FARS2: variants seen among roughly 807,000 people sequenced by gnomAD.
FARS2 encodes the protein phenylalanine--tRNA ligase, mitochondrial.
Under a neutral mutation model 46.4 loss-of-function variants are expected in FARS2, and 40 were observed. The ratio of observed to expected loss-of-function variants is 0.86; its 90% confidence interval spans 0.67 to 1.12. The LOEUF (loss-of-function observed/expected upper bound fraction) is 1.12, where lower values mean the gene tolerates loss of function less well. Among genes scored for constraint, FARS2 ranks in the 50% most tolerant of loss-of-function variants. FARS2 has a pLI of 0.00. For synonymous variants in FARS2, 234 were observed against 214.9 expected (o/e 1.09, Z -0.78); for missense variants, 513 against 567.9 (o/e 0.90, Z 0.98).
chr6:5,522,429 GC>G (rs1264156275), intron 4 of FARS2, among the ~76,000 whole-genome samples: 1 of 152,198 alleles, frequency 6.6e-6, no homozygotes, highest in Non-Finnish European at 1.5e-5. Context: ...ATTCTTACTG[GC>G]CCAGATGTGA....
intron 6 of FARS2, among the ~76,000 whole-genome samples, chr6:5,723,181 G>A (rs57053744): frequency 0.22 from 32,811 of 152,086 alleles, 3,980 homozygotes; most frequent in African/African-American, 0.34. Flanking sequence ...TGGGCCACTC[G>A]CGAGTGTGTC....
chr6:5,420,045 C>A (rs1303368837), intron 3 of FARS2, among the ~76,000 whole-genome samples: 1 of 152,152 alleles, frequency 6.6e-6, no homozygotes, highest in South Asian at 2.1e-4. Flanking sequence ...GCCTTACAAT[C>A]GTGGCAGAAG....
At chr6:5,622,716 A>T (rs1254994780) in intron 6 of FARS2, among the ~76,000 whole-genome samples, 1 of 152,178 alleles carries the variant, frequency 6.6e-6, no homozygotes, top group Non-Finnish European at 1.5e-5. Flanking sequence ...CCAGACACCA[A>T]ATCTGCTGGC....
At chr6:5,537,455 C>T (rs929536843) in intron 4 of FARS2, among the ~76,000 whole-genome samples, 86 of 128,946 alleles carry the variant, frequency 6.7e-4, no homozygotes, top group South Asian at 1.3e-3. Context: ...TGTCCCGGGC[C>T]TCCTCTCGAG....
chr6:5,431,392 C>T (rs1763158998), intron 4 of FARS2, among the ~76,000 whole-genome samples: 1 of 152,186 alleles, frequency 6.6e-6, no homozygotes, highest in Non-Finnish European at 1.5e-5. Context: ...CTTTGGAGAT[C>T]CACCTTGTCA....
intron 5 of FARS2, among the ~76,000 whole-genome samples, chr6:5,545,844 C>T (rs1770945071): frequency 6.6e-6 from 1 of 152,084 alleles, no homozygotes; most frequent in Non-Finnish European, 1.5e-5. Context: ...TAAAGAAGTT[C>T]TGGCCAGGCA....
At chr6:5,621,809 A>G (rs979598656) in intron 6 of FARS2, among the ~76,000 whole-genome samples, 1 of 152,200 alleles carries the variant, frequency 6.6e-6, no homozygotes, top group Non-Finnish European at 1.5e-5. Flanking sequence ...ACCTGAATCA[A>G]AACTGGAAAG....
chr6:5,344,592 C>G (rs1757108585), intron 1 of FARS2, among the ~76,000 whole-genome samples: 1 of 152,172 alleles, frequency 6.6e-6, no homozygotes, highest in Non-Finnish European at 1.5e-5. Context: ...ATTGCACCAA[C>G]TGATAAAATC....
At chr6:5,664,855 T>G (rs10484316) in intron 6 of FARS2, 2 of 152,164 alleles carry the variant, frequency 1.3e-5, no homozygotes, top group East Asian at 1.9e-4. Flanking sequence ...TGTTCCTGCT[T>G]CTTAACTTGT....
intron 5 of FARS2, chr6:5,609,584 A>G (rs891398183): frequency 3.9e-6 from 5 of 1,285,860 alleles, no homozygotes; most frequent in Non-Finnish European, 5.6e-6. Flanking sequence ...GACCACCACC[A>G]AAGTTTCCAG....
rs964660101 is a variant in FARS2 at position 5,630,559 on chromosome 6, A to G, written c.1217+17239A>G. 6.6e-6 allele frequency among the ~76,000 whole-genome samples: 1 copy of G among 152,240 alleles called. No homozygotes were observed. Among genetic ancestry groups the G allele is most frequent in the Admixed American group, 6.5e-5 (1 of 15,280 alleles). On this transcript the variant is annotated intron_variant, in intron 6 of 6. Transcript: ENST00000274680. This position sits in a 1 kb window ranked among gnomAD's most constrained non-coding sequence, Gnocchi z 4.2. ...CTCTGGAAACCAGACCTGCCTCTTCATACTTATGTGTCTGGTAATAGGCAT... is the reference window on the plus strand; with the variant it reads ...CTCTGGAAACCAGACCTGCCTCTTCGTACTTATGTGTCTGGTAATAGGCAT...
At chr6:5,594,050 G>C (rs914087848) in intron 5 of FARS2, among the ~76,000 whole-genome samples, 3 of 152,170 alleles carry the variant, frequency 2.0e-5, no homozygotes, top group Admixed American at 6.5e-5. Context: ...CCCTCACCTA[G>C]TTGGGAGTTC....
At chr6:5,671,787 G>A (rs1045549361) in intron 6 of FARS2, among the ~76,000 whole-genome samples, 2 of 152,164 alleles carry the variant, frequency 1.3e-5, no homozygotes, top group Non-Finnish European at 2.9e-5. Context: ...TACCAAAGAT[G>A]TTACAGGGAC....
chr6:5,692,992 T>C (rs1025156693), intron 6 of FARS2, among the ~76,000 whole-genome samples: 1 of 152,220 alleles, frequency 6.6e-6, no homozygotes, highest in African/African-American at 2.4e-5. Flanking sequence ...GTCAATACCA[T>C]ATTTCCCTTC....
At chr6:5,321,570 G>A (rs965910420) in intron 1 of FARS2, among the ~76,000 whole-genome samples, 1 of 151,354 alleles carries the variant, frequency 6.6e-6, no homozygotes, top group Non-Finnish European at 1.5e-5. Flanking sequence ...AGGTAAGAGT[G>A]TTCAGACAGG....
intron 6 of FARS2, among the ~76,000 whole-genome samples, chr6:5,636,880 C>A (rs1239840199): frequency 6.6e-6 from 1 of 152,208 alleles, no homozygotes; most frequent in Admixed American, 6.5e-5. Flanking sequence ...TGAGCCACTA[C>A]GTTGACAGAA....
intron 4 of FARS2, among the ~76,000 whole-genome samples, chr6:5,530,652 AATATATTT>A (rs928557852): frequency 6.8e-6 from 1 of 148,050 alleles, no homozygotes; most frequent in Admixed American, 6.8e-5. Context: ...AATATTTAAA[AATATATTT>A]ATATATTTAT....
intron 1 of FARS2, among the ~76,000 whole-genome samples, chr6:5,281,633 C>T (rs533999212): frequency 6.6e-6 from 1 of 151,772 alleles, no homozygotes; most frequent in Non-Finnish European, 1.5e-5. Context: ...TCTCCCACCC[C>T]CCCTGCCCCC....
At chr6:5,308,147 G>A (rs1768847960) in intron 1 of FARS2, among the ~76,000 whole-genome samples, 1 of 151,848 alleles carries the variant, frequency 6.6e-6, no homozygotes, top group Non-Finnish European at 1.5e-5. Flanking sequence ...TTGAGAGAAT[G>A]CCACATGCAA....
Sources: allele counts gnomAD v4.1 joint callset (sites outside exome capture counted in the v4.1 genomes callset), GRCh38; gene constraint gnomAD v4.1.1; non-coding constraint Gnocchi (gnomAD v3.1); transcripts MANE v1.5; gene names NCBI Gene and HGNC (gene_info 2026-07-23, HGNC 2026-07-21).